KCNB2: variants seen among roughly 807,000 people sequenced by gnomAD.
The protein encoded by KCNB2 is delayed rectifier potassium channel protein.
Under a neutral mutation model 61.5 loss-of-function variants are expected in KCNB2, and 15 were observed. The ratio of observed to expected loss-of-function variants is 0.24; its 90% CI spans 0.16 to 0.38. KCNB2 has a LOEUF of 0.38. Ranked by LOEUF, KCNB2 falls within the 10% of genes least tolerant of loss-of-function variation. The pLI, the probability that KCNB2 is intolerant of heterozygous loss-of-function variation, is 1.00. For missense variants in KCNB2, 828 were observed against 1,125.2 expected (o/e 0.74, Z 3.78); for synonymous variants, 457 against 446.0 (o/e 1.02, Z -0.31).
At chr8:72,809,284 A>T (rs1200854726) in intron 2 of KCNB2, among the ~76,000 whole-genome samples, 1 of 152,206 alleles carries the variant, frequency 6.6e-6, no homozygotes, top group Non-Finnish European at 1.5e-5. Context: ...TAAGACAAAC[A>T]CTTTAACCAG....
chr8:72,864,305 A>G (rs998245191), intron 2 of KCNB2, among the ~76,000 whole-genome samples: 3 of 152,208 alleles, frequency 2.0e-5, no homozygotes, highest in South Asian at 2.1e-4. Context: ...TGGCCCTTTC[A>G]TGCTCCCTAT....
At chr8:72,923,528 A>G (rs559966513) in intron 2 of KCNB2, among the ~76,000 whole-genome samples, 1 of 152,188 alleles carries the variant, frequency 6.6e-6, no homozygotes, top group East Asian at 1.9e-4. Context: ...CAAAGGGTGG[A>G]GCACATAATA....
At chr8:72,652,191 A>G (rs1806221899) in intron 2 of KCNB2, among the ~76,000 whole-genome samples, 1 of 152,178 alleles carries the variant, frequency 6.6e-6, no homozygotes, top group African/African-American at 2.4e-5. Context: ...GAATATTGGT[A>G]TAATATACTC....
chr8:72,909,911 G>C (rs1251861135), intron 2 of KCNB2, among the ~76,000 whole-genome samples: 2 of 152,126 alleles, frequency 1.3e-5, no homozygotes, highest in Admixed American at 1.3e-4. Flanking sequence ...AGGTATGTTT[G>C]AGTGAAAAGT....
intron 2 of KCNB2, among the ~76,000 whole-genome samples, chr8:72,589,345 TAAAAAAAG>T (rs1318186905): frequency 1.3e-5 from 2 of 151,382 alleles, no homozygotes; most frequent in East Asian, 1.9e-4. Context: ...GAGAAAAGTC[TAAAAAAAG>T]AAAAAAAGAA....
chr8:72,824,922 C>T (rs1216139618), intron 2 of KCNB2, among the ~76,000 whole-genome samples: 1 of 152,174 alleles, frequency 6.6e-6, no homozygotes, highest in Non-Finnish European at 1.5e-5. Context: ...TACCACTTTA[C>T]CCATTTTCAA....
chr8:72,772,533 T>G (rs1808577934), intron 2 of KCNB2, among the ~76,000 whole-genome samples: 1 of 152,254 alleles, frequency 6.6e-6, no homozygotes, highest in Admixed American at 6.5e-5. Context: ...TCAGAGCTTC[T>G]GTTTTGCTGT....
At chr8:72,603,367 G>A (rs1392257683) in intron 2 of KCNB2, among the ~76,000 whole-genome samples, 1 of 152,102 alleles carries the variant, frequency 6.6e-6, no homozygotes, top group African/African-American at 2.4e-5. Context: ...TTTCCCAAAT[G>A]CAACATGCCT....
chr8:72,933,549 C>T (rs17777242), intron 2 of KCNB2, among the ~76,000 whole-genome samples: 2 of 152,254 alleles, frequency 1.3e-5, no homozygotes, highest in African/African-American at 4.8e-5. Context: ...ACTTAAAATG[C>T]CCAAAGATGT....
chr8:72,563,893 TA>T (rs1253874594), intron 1 of KCNB2, among the ~76,000 whole-genome samples: 1 of 152,170 alleles, frequency 6.6e-6, no homozygotes, highest in Non-Finnish European at 1.5e-5. Context: ...CCAGGGAGAA[TA>T]AAAAATCTTT....
chr8:72,801,599 T>C (rs1809127068), intron 2 of KCNB2, among the ~76,000 whole-genome samples: 1 of 152,190 alleles, frequency 6.6e-6, no homozygotes, highest in Non-Finnish European at 1.5e-5. Context: ...ATGAATGACA[T>C]GTTCCATTCC....
chr8:72,567,731 C>G lies in KCNB2; in HGVS notation c.-4C>G. On this transcript the variant is annotated 5_prime_UTR_variant, in exon 2 of 3. Transcript: ENST00000523207. Reference sequence around the variant, plus strand: ...CCTGGCTCTGCGGCTTTGTCCAGTTCAAAATGGCAGAAAAGGCTCCCCCGG... The same window carrying G: ...CCTGGCTCTGCGGCTTTGTCCAGTTGAAAATGGCAGAAAAGGCTCCCCCGG... 1 of 1,548,480 alleles carries G rather than the reference C, an allele frequency of 6.5e-7. No individual in the cohort carries two copies.
rs1806122622 is a variant in KCNB2, at chr8:72,537,237, G to A, written c.-742G>A. On this transcript the variant is annotated 5_prime_UTR_variant, in exon 1 of 3. Coordinates refer to ENST00000523207, the MANE Select transcript of KCNB2 (RefSeq NM_004770.3). ...GGCTGGGGTGGCCGCAGCCCTGTGT[G>A]CGCGCCGGGCCGGCTAGCTGCGGGG... Among the ~76,000 whole-genome samples, 3 of 151,240 alleles carry A rather than the reference G, an allele frequency of 2.0e-5. No homozygotes were observed. In the South Asian group the frequency reaches 6.2e-4, roughly 31 times the overall value.
intron 2 of KCNB2, among the ~76,000 whole-genome samples, chr8:72,570,595 T>G (rs991303221): frequency 6.6e-6 from 1 of 152,096 alleles, no homozygotes; most frequent in African/African-American, 2.4e-5. Context: ...CTGGAGTAAT[T>G]CTTGGTGAGA....
intron 2 of KCNB2, among the ~76,000 whole-genome samples, chr8:72,725,716 G>A (rs1021893682): frequency 4.7e-5 from 7 of 150,098 alleles, no homozygotes; most frequent in South Asian, 2.1e-4. Context: ...TTCCAGCCCC[G>A]GTCCTTCTGC....
chr8:72,545,039 T>C (rs1806238901), intron 1 of KCNB2, among the ~76,000 whole-genome samples: 1 of 152,172 alleles, frequency 6.6e-6, no homozygotes, highest in Non-Finnish European at 1.5e-5. Flanking sequence ...AAGGGAAGCA[T>C]AGATTTTGCT....
At chr8:72,861,578 T>C (rs189769907) in intron 2 of KCNB2, among the ~76,000 whole-genome samples, 4 of 152,238 alleles carry the variant, frequency 2.6e-5, no homozygotes, top group Admixed American at 1.3e-4. Context: ...CAGCAGAATG[T>C]AGGAGGAGGC....
intron 2 of KCNB2, among the ~76,000 whole-genome samples, chr8:72,889,238 AT>A (rs1805856577): frequency 1.3e-5 from 2 of 152,130 alleles, no homozygotes; most frequent in Non-Finnish European, 2.9e-5. Context: ...AGAAATCTTC[AT>A]TTTACAGCTA....
In KCNB2 at chr8:72,649,834, A is replaced by G. The variant is rs142601795; in HGVS notation, c.579+81521A>G. Reference sequence around the variant, plus strand: ...ATGACATGATCAAGTGATTAATAATAGAACCACCTGGAATGACTCCAACAG... The same window carrying G: ...ATGACATGATCAAGTGATTAATAATGGAACCACCTGGAATGACTCCAACAG... On this transcript the variant is annotated intron_variant, in intron 2 of 2. Transcript: ENST00000523207. Among the ~76,000 whole-genome samples the G allele has an allele frequency of 6.8e-3, 1,030 of 152,286 alleles. 6 individuals carry two copies. The highest frequency in any genetic ancestry group is 0.01 in the Non-Finnish European group (713 of 68,012).
Sources: allele counts gnomAD v4.1 joint callset (sites outside exome capture counted in the v4.1 genomes callset), GRCh38; gene constraint gnomAD v4.1.1; transcripts MANE v1.5; gene names NCBI Gene and HGNC (gene_info 2026-07-23, HGNC 2026-07-21).